The following PIBF1 variants were observed in gnomAD, a reference collection of about 807,000 sequenced individuals.
The protein encoded by PIBF1 is progesterone immunomodulatory binding factor 1, also known as progesterone-induced-blocking factor 1.
PIBF1 carries 90 observed loss-of-function variants against 112.5 expected under a neutral mutation model. The observed-to-expected ratio is 0.80, with a 90% CI of 0.67 to 0.95. The LOEUF is 0.95. Among genes scored for constraint, PIBF1 ranks in the 40% least tolerant of loss-of-function variants. The pLI, the probability that PIBF1 is intolerant of heterozygous loss-of-function variation, is 0.00. For synonymous variants in PIBF1, 301 were observed against 288.6 expected (o/e 1.04, Z -0.44); for missense variants, 915 against 852.3 (o/e 1.07, Z -0.92).
intron 9 of PIBF1, among the ~76,000 whole-genome samples, chr13:72,849,904 G>T (rs2038052653): frequency 6.6e-6 from 1 of 152,150 alleles, no homozygotes; most frequent in Non-Finnish European, 1.5e-5. Context: ...TGCTTTGTGG[G>T]ATTGTTGTGA....
chr13:72,871,802 G>A (rs1294926361), intron 10 of PIBF1, among the ~76,000 whole-genome samples: 2 of 152,108 alleles, frequency 1.3e-5, no homozygotes, highest in African/African-American at 2.4e-5. Flanking sequence ...TTTACTGCAA[G>A]CCCAACTAAT....
intron 5 of PIBF1, among the ~76,000 whole-genome samples, chr13:72,816,847 AT>A (rs199581116): frequency 1.5e-4 from 23 of 149,912 alleles, no homozygotes; most frequent in Non-Finnish European, 2.7e-4. Context: ...TTTAGAATCA[AT>A]TTTTTTTTTG....
At chr13:72,926,799 A>G (rs76054558) in intron 13 of PIBF1, among the ~76,000 whole-genome samples, 2,277 of 152,224 alleles carry the variant, frequency 0.015, 62 homozygotes, top group African/African-American at 0.052. Context: ...TATAGTTTTT[A>G]TTCCTTAGTG....
intron 10 of PIBF1, among the ~76,000 whole-genome samples, chr13:72,885,028 T>G (rs2039789328): frequency 6.6e-6 from 1 of 152,130 alleles, no homozygotes; most frequent in African/African-American, 2.4e-5. Flanking sequence ...ACGCATAGAT[T>G]CCTAAAATTG....
At chr13:72,970,819 C>A (rs1232426037) in intron 15 of PIBF1, 1 of 151,878 alleles carries the variant, frequency 6.6e-6, no homozygotes, top group Admixed American at 6.6e-5. Flanking sequence ...TTTTAGAGAC[C>A]CACATGTTAA....
chr13:72,930,667 C>T (rs779809198), intron 13 of PIBF1, among the ~76,000 whole-genome samples: 2 of 152,010 alleles, frequency 1.3e-5, no homozygotes, highest in African/African-American at 4.8e-5. Flanking sequence ...TTTTATATAT[C>T]TTTTTCATCT....
Position 72,876,679 on chromosome 13 carries a change from G to A in PIBF1, c.1323-17105G>A, listed in dbSNP as rs561723649. Among the ~76,000 whole-genome samples, 314 of 152,140 alleles carry A rather than the reference G, an allele frequency of 2.1e-3. 1 individual carries two copies. Among genetic ancestry groups the A allele is most frequent in the African/African-American group, 7.1e-3 (295 of 41,520 alleles). On this transcript the variant is annotated intron_variant, in intron 10 of 17. Coordinates refer to ENST00000326291, the MANE Select transcript of PIBF1 (RefSeq NM_006346.4). ...ATACCTAAATATTTCATTTTAAGGG[G>A]TGTTAATATAAATGTTACTGTGTTT...
At chr13:72,880,331 A>G (rs74092042) in intron 10 of PIBF1, among the ~76,000 whole-genome samples, 15,803 of 152,200 alleles carry the variant, frequency 0.1, 2,341 homozygotes, top group African/African-American at 0.33. Context: ...GAACATGACA[A>G]GACATCTTGG....
chr13:72,855,501 T>C (rs1358584263), intron 10 of PIBF1, among the ~76,000 whole-genome samples: 4 of 151,852 alleles, frequency 2.6e-5, no homozygotes, highest in Non-Finnish European at 5.9e-5. Context: ...ATGCAAAAAT[T>C]AGTAGTGTGT....
chr13:72,935,146 C>T (rs566331094), intron 14 of PIBF1, among the ~76,000 whole-genome samples: 31 of 152,128 alleles, frequency 2.0e-4, no homozygotes, highest in African/African-American at 5.8e-4. Context: ...CCACCATTCC[C>T]GGATAATTTT....
chr13:72,901,816 TA>T (rs769640745), intron 11 of PIBF1, among the ~76,000 whole-genome samples: 23 of 152,050 alleles, frequency 1.5e-4, no homozygotes, highest in Non-Finnish European at 3.1e-4. Context: ...CTTAAAGAAC[TA>T]AAAGTAGAAC....
intron 10 of PIBF1, among the ~76,000 whole-genome samples, chr13:72,875,043 G>T (rs2039337760): frequency 6.6e-6 from 1 of 152,054 alleles, no homozygotes. Flanking sequence ...TGTATGTTTG[G>T]ACAAATCTGT....
chr13:72,855,624 G>A (rs1243972133), intron 10 of PIBF1, among the ~76,000 whole-genome samples: 1 of 152,080 alleles, frequency 6.6e-6, no homozygotes, highest in Non-Finnish European at 1.5e-5. Flanking sequence ...ACTCCAGCCT[G>A]GGCGACAGAG....
intron 17 of PIBF1, among the ~76,000 whole-genome samples, chr13:73,014,736 G>A (rs2044331771): frequency 6.7e-6 from 1 of 148,280 alleles, no homozygotes; most frequent in East Asian, 2.0e-4. Flanking sequence ...TGTTGTCCAG[G>A]CTTGAGTGTA....
rs374379647 is a variant in PIBF1, at chr13:72,806,715, T to C, written c.672+8689T>C. Among the ~76,000 whole-genome samples, 547 of 152,332 alleles carry C rather than the reference T, an allele frequency of 3.6e-3. 2 individuals are homozygous for C. Among genetic ancestry groups the C allele is most frequent in the African/African-American group, 0.012 (504 of 41,582 alleles). On this transcript the variant is annotated intron_variant, in intron 5 of 17. Transcript: ENST00000326291. ...AAGGACATTAACTCTTCCTTTTTTATGGCTGCATAGTATTCCATGGTGTAT... is the reference window on the plus strand; with the variant it reads ...AAGGACATTAACTCTTCCTTTTTTACGGCTGCATAGTATTCCATGGTGTAT...
intron 6 of PIBF1, 56 bp downstream of exon 6, chr13:72,822,038 T>TCAC: frequency 6.8e-7 from 1 of 1,468,044 alleles, no homozygotes; most frequent in African/African-American, 1.4e-5. Flanking sequence ...TGCATCAAAG[T>TCAC]CACCTGAGTT....
At chr13:72,784,664 C>T (rs1298552851) in intron 2 of PIBF1, among the ~76,000 whole-genome samples, 4 of 148,532 alleles carry the variant, frequency 2.7e-5, no homozygotes, top group African/African-American at 5.0e-5. Context: ...GAGGCTGAGG[C>T]GGGAGAATCA....
intron 5 of PIBF1, among the ~76,000 whole-genome samples, chr13:72,808,148 A>G (rs973017674): frequency 1.5e-4 from 22 of 148,466 alleles, no homozygotes; most frequent in African/African-American, 5.4e-4. Context: ...TTGTGTGGAC[A>G]TGTTTTTTCT....
chr13:72,851,543 T>G (rs1191433180), intron 9 of PIBF1, among the ~76,000 whole-genome samples: 1 of 152,186 alleles, frequency 6.6e-6, no homozygotes, highest in Non-Finnish European at 1.5e-5. Context: ...CAGGTGCCCT[T>G]TGGCACTCCA....
Sources: gnomAD v4.1 joint callset for allele counts (sites outside exome capture counted in the v4.1 genomes callset) on GRCh38, gnomAD v4.1.1 for gene constraint, MANE v1.5 for transcripts, NCBI Gene and HGNC (gene_info 2026-07-23, HGNC 2026-07-21) for gene names.